PPP2R2D: variants seen among roughly 807,000 people sequenced by gnomAD.
PPP2R2D encodes the protein protein phosphatase 2 regulatory subunit Bdelta, also known as serine/threonine-protein phosphatase 2A 55 kDa regulatory subunit B delta isoform.
Under a neutral mutation model 31.1 loss-of-function variants are expected in PPP2R2D, and 9 were observed. That is an observed-to-expected ratio of 0.29 (90% CI 0.17 to 0.51). PPP2R2D has a LOEUF of 0.51. PPP2R2D is among the 20% of genes least tolerant of loss of function. PPP2R2D has a pLI of 0.98. For synonymous variants in PPP2R2D, 179 were observed against 172.6 expected (o/e 1.04, Z -0.29); for missense variants, 391 against 465.6 (o/e 0.84, Z 1.48).
the PPP2R2D span, chr10:131,971,189 C>T: frequency 3.6e-5 from 20 of 563,142 alleles, no homozygotes; most frequent in South Asian, 2.2e-4. Context: ...CCTCCAGGGA[C>T]AGATCACCTC....
intron 2 of PPP2R2D, among the ~76,000 whole-genome samples, chr10:131,929,720 G>A (rs1192315509): frequency 6.6e-6 from 1 of 152,070 alleles, no homozygotes; most frequent in Admixed American, 6.5e-5. Flanking sequence ...CGCCACCACC[G>A]GCAGCTGACT....
chr10:131,938,925 C>T (rs969573211), intron 3 of PPP2R2D, among the ~76,000 whole-genome samples: 3 of 152,248 alleles, frequency 2.0e-5, no homozygotes, highest in Non-Finnish European at 2.9e-5. Context: ...CACTTTCTCT[C>T]CAGGGCCAGA....
the PPP2R2D span, chr10:131,970,814 G>A: frequency 6.2e-7 from 1 of 1,614,240 alleles, no homozygotes. The surrounding 1 kb of genome is among the most constrained non-coding windows in gnomAD (Gnocchi z 4.1). Flanking sequence ...CGTGTCAGCT[G>A]ATGTGTCCTC....
intron 2 of PPP2R2D, among the ~76,000 whole-genome samples, chr10:131,932,329 C>T (rs2036249737): frequency 6.6e-6 from 1 of 152,064 alleles, no homozygotes; most frequent in Non-Finnish European, 1.5e-5. Flanking sequence ...ACTCCCCTAC[C>T]CCAGCAGGGA....
At chr10:131,920,994 G>T (rs180813007) in intron 2 of PPP2R2D, among the ~76,000 whole-genome samples, 7 of 152,318 alleles carry the variant, frequency 4.6e-5, no homozygotes, top group Admixed American at 3.9e-4. Context: ...AATAGAAGAT[G>T]AATTTCAGGA....
intron 3 of PPP2R2D, chr10:131,939,638 C>A (rs1466243246): frequency 6.5e-6 from 1 of 153,272 alleles, no homozygotes; most frequent in East Asian, 1.9e-4. Context: ...CGGCAGGCTG[C>A]ATTCAGCAGA....
intron 2 of PPP2R2D, among the ~76,000 whole-genome samples, chr10:131,928,632 C>T (rs1322376796): frequency 6.6e-6 from 1 of 152,216 alleles, no homozygotes; most frequent in Non-Finnish European, 1.5e-5. Context: ...GGGGGAACCC[C>T]TTGAAGGCTG....
the PPP2R2D span, among the ~76,000 whole-genome samples, chr10:131,965,256 C>G: frequency 6.6e-6 from 1 of 152,100 alleles, no homozygotes; most frequent in Non-Finnish European, 1.5e-5. Flanking sequence ...GTGGCTTCTT[C>G]CCAGCACGGA....
intron 8 of PPP2R2D, among the ~76,000 whole-genome samples, chr10:131,953,317 G>GTA (rs2036723116): frequency 8.4e-6 from 1 of 119,374 alleles, no homozygotes; most frequent in Non-Finnish European, 1.7e-5. Context: ...TGACTTGCAG[G>GTA]TGTGCGGGGG....
At chr10:131,960,782 G>A (rs1240060195), downstream of PPP2R2D, among the ~76,000 whole-genome samples, 3 of 152,220 alleles carry the variant, frequency 2.0e-5, no homozygotes, top group Non-Finnish European at 4.4e-5. Flanking sequence ...GTGCGTCCTT[G>A]GCCAGCGGCT....
chr10:131,906,573 TAAC>T (rs2035587720), intron 2 of PPP2R2D, among the ~76,000 whole-genome samples: 1 of 151,940 alleles, frequency 6.6e-6, no homozygotes, highest in South Asian at 2.1e-4. Context: ...CGCAGAAAGG[TAAC>T]AAAAATTAAG....
At position 131,919,734 on chromosome 10, in the gene PPP2R2D, A is replaced by C. The variant is rs1333340094; in HGVS notation, c.101-14724A>C. Reference sequence around the variant, plus strand: ...GCCGGTGGAATGACACAGTGTTCGTAGGGACCTCACGTGGGTGGAATGACA... The same window carrying C: ...GCCGGTGGAATGACACAGTGTTCGTCGGGACCTCACGTGGGTGGAATGACA... On this transcript the variant is annotated intron_variant, in intron 2 of 8. Coordinates refer to ENST00000455566, the MANE Select transcript of PPP2R2D (RefSeq NM_018461.5). Among the ~76,000 whole-genome samples the C allele has an allele frequency of 5.6e-5, 7 of 125,324 alleles. 1 individual carries two copies. Among genetic ancestry groups the C allele is most frequent in the Non-Finnish European group, 1.2e-4 (7 of 59,930 alleles). The allele number at this position is 125,324 out of a possible 152,430, so 82.2% of individuals were successfully genotyped here.
At chr10:131,970,665 A>G in the PPP2R2D span, 1 of 1,614,196 alleles carries the variant, frequency 6.2e-7, no homozygotes, top group Non-Finnish European at 8.5e-7. The surrounding 1 kb of genome is among the most constrained non-coding windows in gnomAD (Gnocchi z 4.1). Context: ...CAAATGAGAG[A>G]GCAGCAGAGA....
chr10:131,906,705 G>A (rs2035591560), intron 2 of PPP2R2D, among the ~76,000 whole-genome samples: 1 of 150,050 alleles, frequency 6.7e-6, no homozygotes, highest in African/African-American at 2.5e-5. Context: ...AGGATCCCTT[G>A]AGCCCAGCAA....
At chr10:131,917,647 T>C (rs2035841827) in intron 2 of PPP2R2D, among the ~76,000 whole-genome samples, 1 of 122,258 alleles carries the variant, frequency 8.2e-6, no homozygotes, top group Non-Finnish European at 1.7e-5. Context: ...GCGGGTGGAA[T>C]GACACAGTGT....
chr10:131,956,301 T>C lies in PPP2R2D; in HGVS notation c.*338T>C, dbSNP rs1428927380. On this transcript the variant is annotated 3_prime_UTR_variant, in exon 9 of 9. Coordinates refer to ENST00000455566, the MANE Select transcript of PPP2R2D (RefSeq NM_018461.5). ...AAATTAACATCCAAGAGAAAAGTTA[T>C]TGTCAGATACCGCTCTTTCTCCAAC... 9.8e-6 allele frequency: 10 copies of C among 1,017,250 alleles called. No individual in the cohort carries two copies. The highest frequency in any genetic ancestry group is 1.2e-5 in the Non-Finnish European group (10 of 851,426). The allele number at this position is 1,017,250 out of a possible 1,614,324, so 63.0% of individuals were successfully genotyped here.
Position 131,958,381 on chromosome 10 carries a change from C to T in PPP2R2D, c.*2418C>T. 5.3e-6 allele frequency: 1 copy of T among 189,706 alleles called. No homozygotes were observed. Among genetic ancestry groups the T allele is most frequent in the South Asian group, 7.6e-5 (1 of 13,104 alleles). The allele number at this position is 189,706 out of a possible 1,614,324, so 11.8% of individuals were successfully genotyped here. On this transcript the variant is annotated 3_prime_UTR_variant, in exon 9 of 9. Coordinates refer to ENST00000455566, the MANE Select transcript of PPP2R2D (RefSeq NM_018461.5). The stretch of plus-strand genomic sequence containing the variant: ...CTTCCTGTGGAGATGAAGGTGTGTG[C>T]TGATTCCTCATGCCCCTGTGGAGAT...
At chr10:131,908,798 A>G (rs1428645350) in intron 2 of PPP2R2D, among the ~76,000 whole-genome samples, 6 of 152,242 alleles carry the variant, frequency 3.9e-5, no homozygotes, top group South Asian at 2.1e-4. Context: ...CCTCTTGCAT[A>G]GGAAAATAGC....
chr10:131,936,175 T>G (rs1291432230), intron 3 of PPP2R2D, among the ~76,000 whole-genome samples: 1 of 151,786 alleles, frequency 6.6e-6, no homozygotes, highest in Non-Finnish European at 1.5e-5. Context: ...TGAGATGGAG[T>G]CTTGCTCTGT....
Sources: allele counts gnomAD v4.1 joint callset (sites outside exome capture counted in the v4.1 genomes callset), GRCh38; gene constraint gnomAD v4.1.1; non-coding constraint Gnocchi (gnomAD v3.1); transcripts MANE v1.5; gene names NCBI Gene and HGNC (gene_info 2026-07-23, HGNC 2026-07-21).